Variants in XRCC5 observed in about 807,000 individuals in gnomAD.
The protein encoded by XRCC5 is DNA repair protein Ku80.
In XRCC5, 12 loss-of-function variants were observed where a neutral mutation model predicts 95.7. The observed-to-expected ratio is 0.13, with a 90% confidence interval of 0.08 to 0.20. XRCC5 has a LOEUF of 0.20. Among genes scored for constraint, XRCC5 ranks in the 10% least tolerant of loss-of-function variants. XRCC5 has a pLI of 1.00. For missense variants in XRCC5, 595 were observed against 873.9 expected (o/e 0.68, Z 4.02); for synonymous variants, 281 against 290.3 (o/e 0.97, Z 0.33).
intron 14 of XRCC5, among the ~76,000 whole-genome samples, chr2:216,148,865 C>T (rs1247156384): frequency 6.6e-6 from 1 of 152,156 alleles, no homozygotes; most frequent in Non-Finnish European, 1.5e-5. Flanking sequence ...TTTTTTCCCT[C>T]TTCTGTTCAC....
intron 14 of XRCC5, among the ~76,000 whole-genome samples, chr2:216,159,579 T>G (rs1000033714): frequency 6.6e-6 from 1 of 152,220 alleles, no homozygotes; most frequent in African/African-American, 2.4e-5. Context: ...TTTTGACAGT[T>G]GTAAACAGAG....
At position 216,119,029 on chromosome 2, in the gene XRCC5, ACT is replaced by A. The variant is rs758932674; in HGVS notation, c.369-7_369-6del. On this transcript the variant is annotated splice_polypyrimidine_tract_variant and intron_variant, in intron 4 of 20. Coordinates refer to ENST00000392132, the MANE Select transcript of XRCC5 (RefSeq NM_021141.4). ...AGGAGAATGATTTCTTAATATGATA[ACT>A]CTCTCTTTTAGAGGAAAGAAGTTTG... 2.0e-5 allele frequency: 32 copies of A among 1,612,130 alleles called. No individual in the cohort carries two copies. Among genetic ancestry groups the A allele is most frequent in the Middle Eastern group, 3.3e-4 (2 of 6,038 alleles).
At chr2:216,145,927 C>T (rs1688621830) in intron 13 of XRCC5, among the ~76,000 whole-genome samples, 1 of 152,176 alleles carries the variant, frequency 6.6e-6, no homozygotes. Flanking sequence ...TACTGCTTTA[C>T]ATCTTTAGGA....
At chr2:216,141,064 C>T in intron 12 of XRCC5, 122 bp from the exon 13 acceptor site, 1 of 1,140,908 alleles carries the variant, frequency 8.8e-7, no homozygotes, top group Non-Finnish European at 1.2e-6. Flanking sequence ...CTAGAGAATA[C>T]TTTGGCAGGG....
In XRCC5 at chr2:216,172,433, C is replaced by T. The variant is rs529058862; in HGVS notation, c.1834+10385C>T. Among the ~76,000 whole-genome samples the T allele has an allele frequency of 4.5e-4, 66 of 147,970 alleles. No homozygotes were observed. The Middle Eastern group carries it at 0.015, about 33-fold the overall frequency. On this transcript the variant is annotated intron_variant, in intron 16 of 20. Coordinates refer to ENST00000392132, the MANE Select transcript of XRCC5 (RefSeq NM_021141.4). ...TGTTTTAACTACTCTATGTCATTTG[C>T]GTTTCCATGGAAACTTTAGCATCAG...
intron 14 of XRCC5, chr2:216,156,540 C>T (rs1688845500): frequency 1.7e-6 from 1 of 601,330 alleles, no homozygotes; most frequent in Non-Finnish European, 3.3e-6. Context: ...TCAACACTGG[C>T]TTCCCGGTAC....
chr2:216,202,784 G>C (rs1689860223), intron 19 of XRCC5, among the ~76,000 whole-genome samples: 1 of 152,222 alleles, frequency 6.6e-6, no homozygotes, highest in South Asian at 2.1e-4. Context: ...GAGTGGTTGA[G>C]TCAACAAACA....
chr2:216,204,744 G>A (rs1689910744), intron 20 of XRCC5, among the ~76,000 whole-genome samples: 3 of 152,198 alleles, frequency 2.0e-5, no homozygotes, highest in African/African-American at 7.2e-5. Flanking sequence ...CATGCAGTTT[G>A]TGTGGGTTGA....
intron 16 of XRCC5, among the ~76,000 whole-genome samples, chr2:216,171,885 AT>A (rs1485080796): frequency 6.6e-6 from 1 of 152,220 alleles, no homozygotes; most frequent in Admixed American, 6.5e-5. Flanking sequence ...TTGAAGTAAA[AT>A]CTTCTACTAT....
At chr2:216,184,735 C>T (rs1436024173) in intron 16 of XRCC5, among the ~76,000 whole-genome samples, 1 of 152,232 alleles carries the variant, frequency 6.6e-6, no homozygotes, top group South Asian at 2.1e-4. Context: ...CCCGTCTCGG[C>T]CTCCCAAAGT....
chr2:216,197,448 G>GAAAAAAAAAAAAAAAA (rs369842827), intron 19 of XRCC5, among the ~76,000 whole-genome samples: 2 of 110,344 alleles, frequency 1.8e-5, no homozygotes, highest in African/African-American at 6.7e-5. Context: ...TCTGTCCCAG[G>GAAAAAAAAAAAAAAAA]AAAAAAAAAA....
intron 2 of XRCC5, among the ~76,000 whole-genome samples, chr2:216,114,532 T>G (rs1399852727): frequency 6.7e-6 from 1 of 149,554 alleles, no homozygotes; most frequent in Non-Finnish European, 1.5e-5. Context: ...CCCGAGAATG[T>G]TGGGCATTTG....
At position 216,122,168 on chromosome 2, in the gene XRCC5, C is replaced by A; in HGVS notation, c.598C>A (p.Gln200Lys). 1 of 1,614,042 alleles carries A rather than the reference C, an allele frequency of 6.2e-7. No homozygotes were observed. Residue 200 changes from glutamine to lysine, a missense_variant, in exon 6 of 21, where the codon CAG (glutamine) becomes AAG (lysine). Physicochemically the swap from Gln to Lys is moderately conservative, Grantham distance 53. Around this residue, in one of 2 missense-constraint regions of XRCC5, gnomAD observed 286 missense variants for 491.1 expected, o/e 0.58. Transcript: ENST00000392132. ...PSFPLKGITE[Q>K]QKEGLEIVKM... ...CTTTCCACTAAAAGGAATTACCGAA[C>A]AGCAAAAAGAAGGTCTTGAGATAGT...
Position 216,204,390 on chromosome 2 carries a change from C to G in XRCC5, c.2178C>G (p.Asp726Glu). Residue 726 changes from aspartate (D) to glutamate (E), a missense_variant, in exon 20 of 21, where the codon GAC becomes GAG. Asp to Glu is a conservative substitution (Grantham distance 45). Transcript: ENST00000392132. Reference protein sequence around the residue: ...AAVFEEGGDVDDLLDMI With the variant: ...AAVFEEGGDVEDLLDMI ...TATTTGAAGAAGGTGGTGATGTGGA[C>G]GATTTAGTAAGTACTTTTAATATGC... The G allele has an allele frequency of 6.2e-7, 1 of 1,613,806 alleles. No homozygotes were observed. Among genetic ancestry groups the G allele is most frequent in the African/African-American group, 1.3e-5 (1 of 75,002 alleles).
At chr2:216,147,635 G>GT (rs1280983645) in intron 13 of XRCC5, among the ~76,000 whole-genome samples, 1 of 152,156 alleles carries the variant, frequency 6.6e-6, no homozygotes, top group Non-Finnish European at 1.5e-5. Context: ...CAGCTTCCCT[G>GT]TAGCCACCTG....
At position 216,137,219 on chromosome 2, in the gene XRCC5, C is replaced by T. The variant is rs780375938; in HGVS notation, c.1245C>T (p.Asn415=). ...VGVAFPHIKH[N]YECLVYVQLP... is the part of the protein sequence containing the mutation. Reference sequence around the variant, plus strand: ...TGGCTTTTCCTCATATCAAGCATAACTATGAGGTAAAACCCAAAGTCTTAA... The same window carrying T: ...TGGCTTTTCCTCATATCAAGCATAATTATGAGGTAAAACCCAAAGTCTTAA... The change falls in exon 11 of 21, where the codon AAC becomes AAT. Residue 415 remains asparagine (N), a synonymous_variant. Transcript: ENST00000392132. The T allele has an allele frequency of 3.1e-6, 5 of 1,612,446 alleles. No individual in the cohort carries two copies. The highest frequency in any genetic ancestry group is 3.3e-5 in the Admixed American group (2 of 59,802).
intron 13 of XRCC5, among the ~76,000 whole-genome samples, chr2:216,142,474 A>C (rs1292639413): frequency 6.6e-6 from 1 of 152,200 alleles, no homozygotes; most frequent in Non-Finnish European, 1.5e-5. Flanking sequence ...GAAGTTGACA[A>C]GAGAGCTGAC....
intron 19 of XRCC5, among the ~76,000 whole-genome samples, chr2:216,196,937 A>G (rs1019360141): frequency 2.0e-5 from 3 of 152,156 alleles, no homozygotes; most frequent in Admixed American, 1.3e-4. Context: ...TAAATCAGGA[A>G]AAATATTTTT....
rs1473603963 is a variant in XRCC5, at chr2:216,132,399, G to T, written c.1113+12G>T. ...CAAGAGATGATGAGGTGAGTTGGCA[G>T]CAGGTCTTTGAGGTAGTGCTACAGA... On this transcript the variant is annotated intron_variant, in intron 10 of 20. Coordinates refer to ENST00000392132, the MANE Select transcript of XRCC5 (RefSeq NM_021141.4). The T allele has an allele frequency of 1.2e-6, 2 of 1,613,618 alleles. No homozygotes were observed. The highest frequency in any genetic ancestry group is 1.7e-6 in the Non-Finnish European group (2 of 1,179,572).
Sources: allele counts gnomAD v4.1 joint callset (sites outside exome capture counted in the v4.1 genomes callset), GRCh38; gene constraint gnomAD v4.1.1; regional missense constraint gnomAD v4.1.1; transcripts MANE v1.5; gene names NCBI Gene and HGNC (gene_info 2026-07-23, HGNC 2026-07-21).